The following OSBPL9 variants were observed in gnomAD, a reference collection of about 807,000 sequenced individuals.
The protein encoded by OSBPL9 is oxysterol binding protein like 9, also known as oxysterol-binding protein-related protein 9.
OSBPL9 carries 40 observed loss-of-function variants against 106.6 expected under a neutral mutation model. The observed-to-expected ratio is 0.38, with a 90% CI of 0.29 to 0.49. The LOEUF is 0.49. Among genes scored for constraint, OSBPL9 ranks in the 20% least tolerant of loss-of-function variants. The pLI is 0.97. For missense variants in OSBPL9, 609 were observed against 887.2 expected, an observed-to-expected ratio of 0.69 and a Z score of 3.98; for synonymous variants, 269 against 295.4, an observed-to-expected ratio of 0.91 and a Z score of 0.92.
chr1:51,639,311 C>T (rs1160333037), intron 1 of OSBPL9, among the ~76,000 whole-genome samples: 6 of 152,050 alleles, frequency 3.9e-5, no homozygotes, highest in Admixed American at 2.0e-4. Flanking sequence ...AGTAGATGGT[C>T]GAAGGTACAA....
rs1489622215 is a variant in OSBPL9, at chr1:51,786,629, T to C, written c.2000+12T>C. On this transcript the variant is annotated intron_variant, in intron 22 of 23. Coordinates refer to ENST00000428468, the MANE Select transcript of OSBPL9 (RefSeq NM_024586.6). The stretch of plus-strand genomic sequence containing the variant: ...TATGAATCCCGCAGGTAAGCCGACA[T>C]TGTTAAGTGGAACTATTGCTGCAGT... 5.0e-6 allele frequency: 8 copies of C among 1,601,380 alleles called. No individual in the cohort carries two copies. The highest frequency in any genetic ancestry group is 6.8e-6 in the Non-Finnish European group (8 of 1,169,108).
chr1:51,691,272 A>ATTTTTTTTTTTTTTTTTTTTTTTTTT (rs1358388118), intron 3 of OSBPL9, among the ~76,000 whole-genome samples: 1 of 145,544 alleles, frequency 6.9e-6, no homozygotes. Flanking sequence ...GCTTGCTGTA[A>ATTTTTTTTTTTTTTTTTTTTTTTTTT]CTTTTTTTTT....
intron 1 of OSBPL9, among the ~76,000 whole-genome samples, chr1:51,592,411 G>C (rs1024487760): frequency 1.3e-5 from 2 of 152,280 alleles, no homozygotes; most frequent in East Asian, 3.9e-4. Flanking sequence ...CACTGTGCCC[G>C]GCCGTTGCTA....
intron 3 of OSBPL9, among the ~76,000 whole-genome samples, chr1:51,673,836 T>C (rs1334927936): frequency 1.3e-5 from 2 of 151,650 alleles, no homozygotes; most frequent in Admixed American, 1.3e-4. Flanking sequence ...ACCTGGTGCA[T>C]AGCCACTGCA....
intron 12 of OSBPL9, among the ~76,000 whole-genome samples, chr1:51,766,368 A>G (rs1375853327): frequency 1.3e-5 from 2 of 152,160 alleles, no homozygotes; most frequent in African/African-American, 4.8e-5. Flanking sequence ...AGAGGTTTCT[A>G]TTACTTTTTT....
intron 17 of OSBPL9, among the ~76,000 whole-genome samples, chr1:51,782,933 A>T (rs1676735320): frequency 6.6e-6 from 1 of 152,220 alleles, no homozygotes; most frequent in East Asian, 1.9e-4. Context: ...TAGAGACCTC[A>T]GCAACTGTGA....
chr1:51,546,971 T>C, the OSBPL9 span, among the ~76,000 whole-genome samples: 1 of 152,200 alleles, frequency 6.6e-6, no homozygotes, highest in East Asian at 1.9e-4. Context: ...ACTATCCTTT[T>C]ACATCTACTA....
At chr1:51,759,184 A>G (rs1037088083) in intron 9 of OSBPL9, among the ~76,000 whole-genome samples, 4 of 151,402 alleles carry the variant, frequency 2.6e-5, no homozygotes, top group African/African-American at 9.7e-5. Flanking sequence ...CAGTTAAAGT[A>G]TTTGTGGCAG....
chr1:51,629,644 A>G (rs1316841446), intron 1 of OSBPL9, among the ~76,000 whole-genome samples: 3 of 152,250 alleles, frequency 2.0e-5, no homozygotes, highest in South Asian at 2.1e-4. Flanking sequence ...CATAGGAGAA[A>G]AGGCATACAA....
Position 51,772,692 on chromosome 1 carries a change from C to G in OSBPL9, c.1139C>G (p.Ser380Trp). 1.2e-6 allele frequency: 2 copies of G among 1,614,036 alleles called. No homozygotes were observed. Among genetic ancestry groups the G allele is most frequent in the Non-Finnish European group, 1.7e-6 (2 of 1,179,990 alleles). ...EHKSVIMHLL[S>W]QVRLGMDLTK... ...AAGAGCGTTATCATGCATCTCTTGTCGCAGGTTAGACTTGGAATGGATCTT... is the reference window on the plus strand; with the variant it reads ...AAGAGCGTTATCATGCATCTCTTGTGGCAGGTTAGACTTGGAATGGATCTT... The change falls in exon 14 of 24, where the codon TCG becomes TGG. Residue 380 changes from serine (S) to tryptophan (W), a missense_variant. Around this residue, in one of 5 missense-constraint regions of OSBPL9, gnomAD observed 356 missense variants for 505.8 expected, o/e 0.70. Coordinates refer to ENST00000428468, the MANE Select transcript of OSBPL9 (RefSeq NM_024586.6).
At chr1:51,568,551 C>G in the OSBPL9 span, among the ~76,000 whole-genome samples, 1 of 152,106 alleles carries the variant, frequency 6.6e-6, no homozygotes, top group Non-Finnish European at 1.5e-5. Flanking sequence ...ATTTTCTTTT[C>G]TTTTCTTTTT....
At chr1:51,598,651 C>T (rs993151052) in intron 2 of OSBPL9, among the ~76,000 whole-genome samples, 2 of 152,134 alleles carry the variant, frequency 1.3e-5, no homozygotes, top group African/African-American at 2.4e-5. Flanking sequence ...AATTCGACAA[C>T]TAGTTGGGAA....
chr1:51,706,718 C>A (rs1658629762), intron 3 of OSBPL9, among the ~76,000 whole-genome samples: 1 of 150,392 alleles, frequency 6.6e-6, no homozygotes, highest in South Asian at 2.1e-4. Context: ...TTTAAGGCTA[C>A]AAATTTCCCT....
At chr1:51,555,507 G>C in the OSBPL9 span, among the ~76,000 whole-genome samples, 690 of 152,006 alleles carry the variant, frequency 4.5e-3, 8 homozygotes, top group African/African-American at 0.015. Context: ...AAAACTAAAA[G>C]ACCATAGTAA....
the OSBPL9 span, among the ~76,000 whole-genome samples, chr1:51,521,297 T>C: frequency 6.6e-6 from 1 of 152,152 alleles, no homozygotes; most frequent in Admixed American, 6.5e-5. Context: ...AATTATGAAA[T>C]CTGAAAATCA....
intron 2 of OSBPL9, among the ~76,000 whole-genome samples, chr1:51,604,663 T>G (rs1236240795): frequency 6.6e-6 from 1 of 152,104 alleles, no homozygotes; most frequent in Non-Finnish European, 1.5e-5. Context: ...GGTTTCTTTG[T>G]TTGTTTTTGA....
chr1:51,774,911 T>A (rs1043376041), intron 14 of OSBPL9, among the ~76,000 whole-genome samples: 1 of 152,214 alleles, frequency 6.6e-6, no homozygotes, highest in African/African-American at 2.4e-5. Context: ...TTAAACTTTT[T>A]AAAAATGTTT....
intron 12 of OSBPL9, among the ~76,000 whole-genome samples, chr1:51,766,806 C>T (rs529735587): frequency 3.0e-4 from 46 of 152,004 alleles, no homozygotes; most frequent in Admixed American, 2.0e-4. Context: ...TGTGGTGGCT[C>T]ACGCCTGTAA....
chr1:51,593,238 G>A (rs1645285314), intron 1 of OSBPL9, among the ~76,000 whole-genome samples: 1 of 151,964 alleles, frequency 6.6e-6, no homozygotes. Flanking sequence ...TAAATAGTGG[G>A]GAAAAAAGAT....
Sources: allele counts gnomAD v4.1 joint callset (sites outside exome capture counted in the v4.1 genomes callset), GRCh38; gene constraint gnomAD v4.1.1; regional missense constraint gnomAD v4.1.1; transcripts MANE v1.5; gene names NCBI Gene and HGNC (gene_info 2026-07-23, HGNC 2026-07-21).